The following ATP2B2 variants were observed in gnomAD, a reference collection of about 807,000 sequenced individuals.
ATP2B2 encodes plasma membrane calcium-transporting ATPase 2.
A neutral mutation model predicts 120.0 loss-of-function variants in ATP2B2; 15 were observed. The observed-to-expected ratio is 0.12, with a 90% CI of 0.08 to 0.19. ATP2B2 has a LOEUF of 0.19. ATP2B2 is among the 10% of genes least tolerant of loss of function. The pLI is 1.00. For missense variants in ATP2B2, 1,045 were observed against 1,719.8 expected, an observed-to-expected ratio of 0.61 and a Z score of 6.94; for synonymous variants, 694 against 700.3, an observed-to-expected ratio of 0.99 and a Z score of 0.14.
intron 14 of ATP2B2, among the ~76,000 whole-genome samples, chr3:10,353,851 C>T (rs2125423633): frequency 6.6e-6 from 1 of 152,282 alleles, no homozygotes; most frequent in East Asian, 1.9e-4. Flanking sequence ...CTCACATGAG[C>T]CCTGGTTTCC....
intron 2 of ATP2B2, among the ~76,000 whole-genome samples, chr3:10,578,859 A>C (rs1272321133): frequency 6.6e-6 from 1 of 152,206 alleles, no homozygotes; most frequent in Non-Finnish European, 1.5e-5. Context: ...GAGTAGGTGA[A>C]ACTAATCTAC....
rs1472634369 is a variant in ATP2B2 at position 10,328,880 on chromosome 3, G to T, written c.3666C>A (p.Asp1222Glu). The change falls in exon 23 of 23, where the codon GAC (aspartate) becomes GAA (glutamate). Residue 1222 changes from aspartate (D) to glutamate (E), a missense_variant. Asp to Glu is a conservative substitution (Grantham distance 45). Transcript: ENST00000360273. ...AIDSGINLTT[D>E]TSKSATSSSP... The stretch of plus-strand genomic sequence containing the variant: ...TTGAAGAGGTAGCTGATTTGCTTGT[G>T]TCGGTCGTCAGGTTGATCCCACTGT... The T allele has an allele frequency of 1.9e-6, 3 of 1,613,834 alleles. No homozygotes were observed. Among genetic ancestry groups the T allele is most frequent in the Non-Finnish European group, 2.5e-6 (3 of 1,179,994 alleles).
intron 1 of ATP2B2, among the ~76,000 whole-genome samples, chr3:10,628,656 T>C (rs2069776558): frequency 6.6e-6 from 1 of 152,206 alleles, no homozygotes; most frequent in Non-Finnish European, 1.5e-5. Context: ...CCATAGTTGC[T>C]CCTCATAGCA....
chr3:10,360,884 A>G (rs2060877963), intron 12 of ATP2B2, among the ~76,000 whole-genome samples: 1 of 152,210 alleles, frequency 6.6e-6, no homozygotes, highest in South Asian at 2.1e-4. Flanking sequence ...GGGTCCTTGT[A>G]CTACCCTTTT....
chr3:10,449,662 G>A lies in ATP2B2; in HGVS notation c.-119C>T. 1.5e-6 allele frequency: 2 copies of A among 1,319,874 alleles called. No homozygotes were observed. Among genetic ancestry groups the A allele is most frequent in the Non-Finnish European group, 2.2e-6 (2 of 927,394 alleles). The allele number at this position is 1,319,874 out of a possible 1,614,324, so 81.8% of individuals were successfully genotyped here. The stretch of plus-strand genomic sequence containing the variant: ...CCTCACTGGTCAGCTGTGGCACCAG[G>A]CGGCCGACTCCGGGTCCCGGGGGGT... On this transcript the variant is annotated 5_prime_UTR_variant, in exon 2 of 23. Coordinates refer to ENST00000360273, the MANE Select transcript of ATP2B2 (RefSeq NM_001001331.4).
At chr3:10,530,118 C>T (rs992598558) in intron 3 of ATP2B2, among the ~76,000 whole-genome samples, 12 of 152,170 alleles carry the variant, frequency 7.9e-5, no homozygotes, top group African/African-American at 2.4e-4. Context: ...ACTCTCTTTT[C>T]GCAGTGCTCA....
rs540011719 is a variant in ATP2B2, at chr3:10,373,194, C to T, written c.1417-1143G>A. On this transcript the variant is annotated intron_variant, in intron 11 of 22. Coordinates refer to ENST00000360273, the MANE Select transcript of ATP2B2 (RefSeq NM_001001331.4). ...GCCTTGTTGTGAATTACTTCTTGTC[C>T]GATGTTTTAAGAATTCTGTGGCACA... Among the ~76,000 whole-genome samples the T allele has an allele frequency of 7.5e-4, 114 of 152,286 alleles. 1 individual carries two copies. The highest frequency in any genetic ancestry group is 1.2e-3 in the Non-Finnish European group (82 of 68,024).
At chr3:10,647,799 A>G (rs2070359099) in intron 1 of ATP2B2, among the ~76,000 whole-genome samples, 1 of 152,230 alleles carries the variant, frequency 6.6e-6, no homozygotes, top group South Asian at 2.1e-4. Context: ...GATGAATAAA[A>G]GAGCAGGCAG....
At chr3:10,587,310 A>G (rs1451055804) in intron 2 of ATP2B2, among the ~76,000 whole-genome samples, 2 of 145,290 alleles carry the variant, frequency 1.4e-5, no homozygotes, top group Non-Finnish European at 3.0e-5. Context: ...GTCTCAATAT[A>G]TATGTATATA....
intron 3 of ATP2B2, among the ~76,000 whole-genome samples, chr3:10,408,659 G>C (rs2062501865): frequency 6.6e-6 from 1 of 152,186 alleles, no homozygotes; most frequent in South Asian, 2.1e-4. Flanking sequence ...TGTGACCGCA[G>C]GCAAGTCCTT....
chr3:10,368,524 ACCCAT>A (rs1559237372), intron 12 of ATP2B2, among the ~76,000 whole-genome samples: 1 of 151,266 alleles, frequency 6.6e-6, no homozygotes. Context: ...CAACACATCT[ACCCAT>A]CCCATCCCAT....
chr3:10,662,648 T>C (rs1445056604), intron 1 of ATP2B2, among the ~76,000 whole-genome samples: 6 of 151,734 alleles, frequency 4.0e-5, no homozygotes, highest in African/African-American at 1.2e-4. Context: ...TTGGTGGGAG[T>C]GTAAACTAGT....
intron 1 of ATP2B2, among the ~76,000 whole-genome samples, chr3:10,647,601 G>T (rs1486775526): frequency 6.6e-6 from 1 of 152,120 alleles, no homozygotes; most frequent in African/African-American, 2.4e-5. Context: ...GCCCTGGTAA[G>T]GTTTCGGAGA....
intron 3 of ATP2B2, among the ~76,000 whole-genome samples, chr3:10,529,646 A>G (rs1175128262): frequency 6.6e-6 from 1 of 152,198 alleles, no homozygotes; most frequent in Middle Eastern, 3.2e-3. Flanking sequence ...TCAAATCATT[A>G]TGATAGGGAT....
intron 2 of ATP2B2, 79 bp from the exon 3 acceptor site, chr3:10,410,894 G>A (rs915110193): frequency 3.9e-6 from 6 of 1,524,734 alleles, no homozygotes; most frequent in Non-Finnish European, 4.5e-6. Context: ...GGGCAGAAAA[G>A]GAGAAACAGA....
chr3:10,488,347 ATT>A (rs2065793911), intron 1 of ATP2B2, among the ~76,000 whole-genome samples: 1 of 137,378 alleles, frequency 7.3e-6, no homozygotes, highest in Non-Finnish European at 1.6e-5. Flanking sequence ...CCATCCATCC[ATT>A]CACTCACCCA....
chr3:10,450,598 A>G (rs943359777), intron 1 of ATP2B2, among the ~76,000 whole-genome samples: 1 of 152,186 alleles, frequency 6.6e-6, no homozygotes, highest in African/African-American at 2.4e-5. Flanking sequence ...CAGGTCATAC[A>G]TAGTCACAAG....
At chr3:10,647,456 C>A (rs1575590043) in intron 1 of ATP2B2, among the ~76,000 whole-genome samples, 2 of 152,184 alleles carry the variant, frequency 1.3e-5, no homozygotes, top group Admixed American at 6.5e-5. Flanking sequence ...ATTGAAGAAG[C>A]CAAGGCACAG....
intron 2 of ATP2B2, among the ~76,000 whole-genome samples, chr3:10,583,881 G>T (rs548575005): frequency 6.6e-6 from 1 of 152,260 alleles, no homozygotes; most frequent in South Asian, 2.1e-4. Flanking sequence ...CTGATCTCCC[G>T]CCATCAGAAA....
Sources: gnomAD v4.1 joint callset for allele counts (sites outside exome capture counted in the v4.1 genomes callset) on GRCh38, gnomAD v4.1.1 for gene constraint, MANE v1.5 for transcripts, NCBI Gene and HGNC (gene_info 2026-07-23, HGNC 2026-07-21) for gene names.